ACSF3: variants seen among roughly 807,000 people sequenced by gnomAD.
ACSF3 encodes malonate--CoA ligase ACSF3, mitochondrial.
A neutral mutation model predicts 53.2 loss-of-function variants in ACSF3; 78 were observed. That is an observed-to-expected ratio of 1.47 (90% CI 1.22 to 1.77). The LOEUF is 1.77. Among genes scored for constraint, ACSF3 ranks in the 40% most tolerant of loss-of-function variants. The pLI, the probability that ACSF3 is intolerant of heterozygous loss-of-function variation, is 0.00. For synonymous variants in ACSF3, 414 were observed against 333.1 expected (o/e 1.24, Z -2.65); for missense variants, 937 against 771.1 (o/e 1.22, Z -2.55).
At chr16:89,134,102 C>T (rs1276865955) in intron 8 of ACSF3, among the ~76,000 whole-genome samples, 2 of 152,180 alleles carry the variant, frequency 1.3e-5, no homozygotes, top group African/African-American at 4.8e-5. Context: ...GGATAGCGGA[C>T]GTATGTGGAT....
At chr16:89,104,177 C>A (rs977040551) in intron 4 of ACSF3, among the ~76,000 whole-genome samples, 10 of 152,206 alleles carry the variant, frequency 6.6e-5, no homozygotes, top group Admixed American at 1.3e-4. Context: ...CCGGTGAGGC[C>A]ATGGACGTTT....
chr16:89,096,855 A>G (rs145712876), intron 1 of ACSF3, among the ~76,000 whole-genome samples: 129 of 152,206 alleles, frequency 8.5e-4, no homozygotes, highest in Middle Eastern at 3.4e-3. Flanking sequence ...GCTCTCTGGG[A>G]GCTGGGACCA....
intron 4 of ACSF3, among the ~76,000 whole-genome samples, chr16:89,103,528 G>A (rs1260039952): frequency 6.6e-6 from 1 of 152,240 alleles, no homozygotes; most frequent in Admixed American, 6.5e-5. Flanking sequence ...TGCAGCCTAT[G>A]CGGATATTCC....
At position 89,155,889 on chromosome 16, in the gene ACSF3, T is replaced by G; in HGVS notation, c.*1682T>G. The G allele has an allele frequency of 2.5e-6, 1 of 402,398 alleles. No individual in the cohort carries two copies. The highest frequency in any genetic ancestry group is 7.1e-5 in the East Asian group (1 of 14,062). 24.9% of individuals were successfully genotyped at this position (402,398 alleles called of 1,614,324 possible). ...GCTTTCGAAATAATGAGTGTAACTT[T>G]CTGCTGACAATACTACAAACTACAG... On this transcript the variant is annotated 3_prime_UTR_variant, in exon 11 of 11. Coordinates refer to ENST00000614302, the MANE Select transcript of ACSF3 (RefSeq NM_001243279.3).
At chr16:89,124,856 G>A (rs8059060) in intron 7 of ACSF3, among the ~76,000 whole-genome samples, 107,411 of 152,148 alleles carry the variant, frequency 0.71, 38,416 homozygotes, top group Middle Eastern at 0.78. Flanking sequence ...CTTTGCCAAA[G>A]ATTAATTGGA....
rs1279426409 is a variant in ACSF3, at chr16:89,155,499, G to T, written c.*1292G>T. On this transcript the variant is annotated 3_prime_UTR_variant, in exon 11 of 11. Coordinates refer to ENST00000614302, the MANE Select transcript of ACSF3 (RefSeq NM_001243279.3). ...AGCAGCGTCCCAGCCCTGTTTTCCA[G>T]GACTGGTGGGTGCCCCAGTCCACGG... 2.2e-6 allele frequency: 1 copy of T among 454,136 alleles called. No individual in the cohort carries two copies. The highest frequency in any genetic ancestry group is 1.6e-5 in the South Asian group (1 of 64,474). 28.1% of individuals were successfully genotyped at this position (454,136 alleles called of 1,614,324 possible).
intron 8 of ACSF3, among the ~76,000 whole-genome samples, chr16:89,139,829 G>A (rs1275920825): frequency 1.3e-5 from 2 of 151,900 alleles, no homozygotes; most frequent in Non-Finnish European, 2.9e-5. Context: ...TCCTGACCTC[G>A]TGATCTCCCC....
rs187721910 is a variant in ACSF3 at position 89,145,200 on chromosome 16, C to T, written c.1367-67C>T. 13,626 of 1,613,184 alleles carry T rather than the reference C, an allele frequency of 8.4e-3. 81 individuals carry two copies. The highest frequency in any genetic ancestry group is 0.01 in the Non-Finnish European group (11,931 of 1,179,556). On this transcript the variant is annotated intron_variant, in intron 8 of 10. Transcript: ENST00000614302. The stretch of plus-strand genomic sequence containing the variant: ...TTTAAGGACGGCCAGTTAACCAGAG[C>T]CCCTTTTCCTCAGGGGACACCGTGG...
intron 4 of ACSF3, 60 bp from the exon 5 acceptor site, chr16:89,112,032 C>T (rs997112112): frequency 1.2e-5 from 2 of 165,138 alleles, no homozygotes; most frequent in Non-Finnish European, 1.0e-5. Flanking sequence ...AGCCAGGAGC[C>T]TCCGCCACGG....
intron 7 of ACSF3, among the ~76,000 whole-genome samples, chr16:89,128,264 C>CTT (rs200250831): frequency 2.0e-4 from 30 of 147,492 alleles, no homozygotes; most frequent in South Asian, 1.9e-3. Flanking sequence ...TTTCTTTTTT[C>CTT]TTTTTTTTTT....
chr16:89,120,857 C>T lies in ACSF3; in HGVS notation c.1183C>T (p.Gln395Ter), dbSNP rs1358658486. The change falls in exon 7 of 11, where the codon CAG becomes TAG. Residue 395 changes from glutamine (Q) to a stop codon, truncating the protein, a stop_gained. Coordinates refer to ENST00000614302, the MANE Select transcript of ACSF3 (RefSeq NM_001243279.3). LOFTEE classifies it high-confidence loss of function. ...GGTGCGCATTGTCTCAGAAAACCCA[C>T]AGAGGGAAGCCTGCTCCTACACCAT... is the stretch of plus-strand genomic sequence containing the variant. ...VQVRIVSENP[Q>*]REACSYTIHA... is the part of the protein sequence containing the mutation. 2 of 1,613,986 alleles carry T rather than the reference C, an allele frequency of 1.2e-6. No homozygotes were observed. The highest frequency in any genetic ancestry group is 1.3e-5 in the African/African-American group (1 of 74,942).
intron 4 of ACSF3, among the ~76,000 whole-genome samples, chr16:89,104,849 G>T (rs1043246749): frequency 6.6e-6 from 1 of 152,262 alleles, no homozygotes. Flanking sequence ...CCAGTATGTA[G>T]AACAGCTTTG....
At chr16:89,129,161 T>G (rs1908783830) in intron 7 of ACSF3, among the ~76,000 whole-genome samples, 1 of 152,124 alleles carries the variant, frequency 6.6e-6, no homozygotes, top group South Asian at 2.1e-4. Flanking sequence ...TTCTGTAAAT[T>G]AGATGAAGGT....
chr16:89,112,486 G>T (rs570197158), intron 5 of ACSF3, among the ~76,000 whole-genome samples: 1 of 151,438 alleles, frequency 6.6e-6, no homozygotes, highest in Non-Finnish European at 1.5e-5. Flanking sequence ...ATTCTGTATC[G>T]CTCTCTCTGT....
Position 89,103,368 on chromosome 16 carries a change from C to T in ACSF3, c.822+609C>T, listed in dbSNP as rs575870859. 2.6e-5 allele frequency among the ~76,000 whole-genome samples: 4 copies of T among 152,348 alleles called. No individual in the cohort carries two copies. In the South Asian group the frequency reaches 6.2e-4, roughly 24 times the overall value. Reference sequence around the variant, plus strand: ...GATGCTGGGTGTGGTAGGGCTGCTCCGTCAGGAGGCTCCAGGGCAAAGTCC... The same window carrying T: ...GATGCTGGGTGTGGTAGGGCTGCTCTGTCAGGAGGCTCCAGGGCAAAGTCC... On this transcript the variant is annotated intron_variant, in intron 4 of 10. Transcript: ENST00000614302.
In ACSF3 at chr16:89,155,646, GCAGT is replaced by G. The variant is rs907850062; in HGVS notation, c.*1443_*1446del. 9 of 454,134 alleles carry G rather than the reference GCAGT, an allele frequency of 2.0e-5. No individual in the cohort carries two copies. The highest frequency in any genetic ancestry group is 1.2e-4 in the African/African-American group (6 of 50,148). 28.1% of individuals were successfully genotyped at this position (454,134 alleles called of 1,614,324 possible). Reference sequence around the variant, plus strand: ...CCAGAGGCCTGGACCCAAGGGAACGGCAGTCAGAGACTACAGTCCAGACGTTTGT... The same window carrying G: ...CCAGAGGCCTGGACCCAAGGGAACGGCAGAGACTACAGTCCAGACGTTTGT... On this transcript the variant is annotated 3_prime_UTR_variant, in exon 11 of 11. Coordinates refer to ENST00000614302, the MANE Select transcript of ACSF3 (RefSeq NM_001243279.3).
chr16:89,125,288 AGCCGAGATCACGCCACT>A (rs2151493705), intron 7 of ACSF3, among the ~76,000 whole-genome samples: 1 of 150,940 alleles, frequency 6.6e-6, no homozygotes, highest in South Asian at 2.1e-4. Context: ...GTTTGCACTG[AGCCGAGATCACGCCACT>A]GCACTCCAGC....
intron 8 of ACSF3, among the ~76,000 whole-genome samples, chr16:89,138,644 C>T (rs534112998): frequency 3.5e-4 from 53 of 152,242 alleles, no homozygotes; most frequent in Admixed American, 1.2e-3. Flanking sequence ...CATATGTCCA[C>T]GCTGACAGCT....
chr16:89,101,615 T>G (rs1478741881), intron 3 of ACSF3, among the ~76,000 whole-genome samples: 1 of 151,884 alleles, frequency 6.6e-6, no homozygotes, highest in Non-Finnish European at 1.5e-5. Flanking sequence ...CGGCATGAGG[T>G]CAGAAGGGAC....
Sources: gnomAD v4.1 joint callset for allele counts (sites outside exome capture counted in the v4.1 genomes callset) on GRCh38, gnomAD v4.1.1 for gene constraint, MANE v1.5 for transcripts, NCBI Gene and HGNC (gene_info 2026-07-23, HGNC 2026-07-21) for gene names.